Variants in ZDHHC14 observed in about 807,000 individuals in gnomAD.
ZDHHC14 encodes the protein zDHHC palmitoyltransferase 14.
Under a neutral mutation model 47.7 loss-of-function variants are expected in ZDHHC14, and 16 were observed. The observed-to-expected ratio is 0.34, with a 90% CI of 0.23 to 0.51. ZDHHC14 has a LOEUF of 0.51. ZDHHC14 is among the 20% of genes least tolerant of loss of function. The pLI is 0.97. For missense variants in ZDHHC14, 515 were observed against 662.5 expected (o/e 0.78, Z 2.44); for synonymous variants, 293 against 278.9 (o/e 1.05, Z -0.50).
intron 2 of ZDHHC14, among the ~76,000 whole-genome samples, chr6:157,588,807 G>A (rs1226753700): frequency 6.6e-6 from 1 of 151,964 alleles, no homozygotes; most frequent in East Asian, 1.9e-4. Context: ...CCCACAGTGG[G>A]GTTCTCAAAC....
intron 1 of ZDHHC14, among the ~76,000 whole-genome samples, chr6:157,511,388 T>TA (rs2114750270): frequency 6.6e-6 from 1 of 150,826 alleles, no homozygotes; most frequent in East Asian, 1.9e-4. Context: ...GAGGAAACTT[T>TA]TTTTTTTTTT....
chr6:157,590,450 A>G (rs1359774650), intron 2 of ZDHHC14, among the ~76,000 whole-genome samples: 3 of 152,212 alleles, frequency 2.0e-5, no homozygotes, highest in Non-Finnish European at 4.4e-5. Context: ...GCCAAGGTTC[A>G]GCTCAGGCCA....
At chr6:157,516,238 A>G (rs1317241433) in intron 1 of ZDHHC14, among the ~76,000 whole-genome samples, 2 of 152,260 alleles carry the variant, frequency 1.3e-5, no homozygotes, top group African/African-American at 2.4e-5. Context: ...ACTTATTACT[A>G]CATTCTAACG....
At chr6:157,648,827 G>T (rs1777683384) in intron 7 of ZDHHC14, among the ~76,000 whole-genome samples, 1 of 152,218 alleles carries the variant, frequency 6.6e-6, no homozygotes, top group South Asian at 2.1e-4. Context: ...GCTTCCCGCT[G>T]GCTTGTTTGT....
intron 1 of ZDHHC14, among the ~76,000 whole-genome samples, chr6:157,504,211 G>A (rs1780259421): frequency 6.6e-6 from 1 of 151,852 alleles, no homozygotes. Context: ...TTGTTTGCTT[G>A]TTTGTTTGTT....
chr6:157,632,800 A>G, intron 4 of ZDHHC14, 34 bp from the exon 5 acceptor site: 3 of 1,608,696 alleles, frequency 1.9e-6, no homozygotes, highest in South Asian at 2.2e-5. Flanking sequence ...GGCTGTTTCT[A>G]TCTGAATACT....
chr6:157,451,747 G>C (rs926928705), intron 1 of ZDHHC14, among the ~76,000 whole-genome samples: 6 of 152,246 alleles, frequency 3.9e-5, no homozygotes, highest in African/African-American at 1.2e-4. Context: ...TTTTAGTAGA[G>C]GTGGGTTTCT....
At chr6:157,637,120 C>A (rs1777025866) in intron 5 of ZDHHC14, among the ~76,000 whole-genome samples, 2 of 152,198 alleles carry the variant, frequency 1.3e-5, no homozygotes, top group African/African-American at 4.8e-5. Context: ...TATTAGAGAA[C>A]CATGTGCTGA....
chr6:157,423,853 G>T (rs1778158766), intron 1 of ZDHHC14, among the ~76,000 whole-genome samples: 1 of 152,040 alleles, frequency 6.6e-6, no homozygotes, highest in Non-Finnish European at 1.5e-5. Flanking sequence ...CAGAATCTCA[G>T]GTTCCACCCC....
chr6:157,485,201 G>A (rs1033515750), intron 1 of ZDHHC14, among the ~76,000 whole-genome samples: 20 of 152,190 alleles, frequency 1.3e-4, no homozygotes, highest in Admixed American at 6.5e-5. Context: ...CTGATCACTC[G>A]TGAACTTGTA....
chr6:157,502,500 A>G lies in ZDHHC14; in HGVS notation c.246-40085A>G, dbSNP rs1780214404. Among the ~76,000 whole-genome samples the G allele has an allele frequency of 6.6e-6, 1 of 152,138 alleles. No homozygotes were observed. The highest frequency in any genetic ancestry group is 1.5e-5 in the Non-Finnish European group (1 of 68,014). ...AAGAAAGTCCATGCTCAGCAACCCC[A>G]AATTTCTGAGTCTTGTCCCTGCTAC... On this transcript the variant is annotated intron_variant, in intron 1 of 8. Transcript: ENST00000359775. The surrounding 1 kb of genome is among the most constrained non-coding windows in gnomAD (Gnocchi z 4.0).
chr6:157,663,498 T>C (rs1434509546), intron 8 of ZDHHC14, among the ~76,000 whole-genome samples: 1 of 152,210 alleles, frequency 6.6e-6, no homozygotes, highest in African/African-American at 2.4e-5. Context: ...TCCAGCAGAC[T>C]CTTCTCTGTC....
intron 2 of ZDHHC14, among the ~76,000 whole-genome samples, chr6:157,556,628 T>C (rs928232421): frequency 2.1e-5 from 3 of 140,474 alleles, no homozygotes; most frequent in Admixed American, 6.9e-5. Flanking sequence ...CCTACCCTAA[T>C]TGACAGCACA....
At chr6:157,536,819 C>CTTTTTTTTTTTTTTTTTTTTTTTTTTTT (rs768063106) in intron 1 of ZDHHC14, among the ~76,000 whole-genome samples, 1 of 97,998 alleles carries the variant, frequency 1.0e-5, no homozygotes, top group Non-Finnish European at 1.9e-5. Flanking sequence ...CTCCATCTAT[C>CTTTTTTTTTTTTTTTTTTTTTTTTTTTT]TTTTTTTTTT....
chr6:157,661,789 T>C (rs954556479), intron 8 of ZDHHC14, among the ~76,000 whole-genome samples: 1 of 152,240 alleles, frequency 6.6e-6, no homozygotes, highest in African/African-American at 2.4e-5. Context: ...CCTCTTGCCA[T>C]TACCAGTTTA....
intron 1 of ZDHHC14, among the ~76,000 whole-genome samples, chr6:157,523,728 CAA>C (rs1246190746): frequency 4.0e-4 from 49 of 121,126 alleles, no homozygotes; most frequent in Non-Finnish European, 5.0e-4. Flanking sequence ...CTCGCTTATA[CAA>C]AAAAAAAAAA....
intron 3 of ZDHHC14, among the ~76,000 whole-genome samples, chr6:157,626,469 T>G (rs925366935): frequency 5.3e-5 from 8 of 152,170 alleles, no homozygotes; most frequent in African/African-American, 1.9e-4. Flanking sequence ...GATCAGTAAC[T>G]CGGGGAAATG....
At chr6:157,574,339 C>A (rs753807455) in intron 2 of ZDHHC14, among the ~76,000 whole-genome samples, 5 of 152,154 alleles carry the variant, frequency 3.3e-5, no homozygotes, top group Non-Finnish European at 7.3e-5. Context: ...AGGAGAATCA[C>A]TTGAACCCGG....
intron 2 of ZDHHC14, among the ~76,000 whole-genome samples, chr6:157,561,316 T>A (rs1242455293): frequency 6.6e-6 from 1 of 152,222 alleles, no homozygotes; most frequent in East Asian, 1.9e-4. Flanking sequence ...AGCTGGCACG[T>A]GCCAGGACAC....
Sources: gnomAD v4.1 joint callset for allele counts (sites outside exome capture counted in the v4.1 genomes callset) on GRCh38, gnomAD v4.1.1 for gene constraint, Gnocchi (gnomAD v3.1) non-coding constraint, MANE v1.5 for transcripts, NCBI Gene and HGNC (gene_info 2026-07-23, HGNC 2026-07-21) for gene names.